ZNF268: variants seen among roughly 807,000 people sequenced by gnomAD.
The protein encoded by ZNF268 is zinc finger protein 3.
A neutral mutation model predicts 29.3 loss-of-function variants in ZNF268; 20 were observed. The ratio of observed to expected loss-of-function variants is 0.68; its 90% CI spans 0.48 to 0.99. The LOEUF (loss-of-function observed/expected upper bound fraction) is 0.99. ZNF268 is among the 50% of genes least tolerant of loss of function. The pLI, the probability that ZNF268 is intolerant of heterozygous loss-of-function variation, is 0.00. For missense variants in ZNF268, 1,240 were observed against 1,121.6 expected (o/e 1.11, Z -1.51); for synonymous variants, 429 against 376.9 (o/e 1.14, Z -1.60).
intron 2 of ZNF268, among the ~76,000 whole-genome samples, chr12:133,186,196 G>A (rs1956309928): frequency 6.6e-6 from 1 of 151,960 alleles, no homozygotes; most frequent in African/African-American, 2.4e-5. Context: ...CAGATATTCT[G>A]GCTCTACATG....
intron 5 of ZNF268, among the ~76,000 whole-genome samples, chr12:133,194,815 C>T (rs1433322222): frequency 6.6e-6 from 1 of 152,230 alleles, no homozygotes; most frequent in Non-Finnish European, 1.5e-5. Flanking sequence ...GTAAGCAGCA[C>T]TGTCTGCCTT....
chr12:133,210,463 G>T lies in ZNF268; in HGVS notation c.*5933G>T, dbSNP rs1416040138. On this transcript the variant is annotated 3_prime_UTR_variant, in exon 6 of 6. Coordinates refer to ENST00000536435, the MANE Select transcript of ZNF268 (RefSeq NM_003415.3). ...AAGCTCAGAACCTCACTGTGGATTT[G>T]CCCCACTAGGGTCCCTAGGTCAGTC... The T allele has an allele frequency of 4.9e-6, 1 of 202,282 alleles. No individual in the cohort carries two copies. Among genetic ancestry groups the T allele is most frequent in the Non-Finnish European group, 1.0e-5 (1 of 96,380 alleles). 12.5% of individuals were successfully genotyped at this position (202,282 alleles called of 1,614,324 possible).
At position 133,214,235 on chromosome 12, in the gene ZNF268, C is replaced by T. The variant is rs1957025090; in HGVS notation, c.*9705C>T. 1 of 152,190 alleles carries T rather than the reference C, an allele frequency of 6.6e-6. No homozygotes were observed. 9.4% of individuals were successfully genotyped at this position (152,190 alleles called of 1,614,324 possible). ...TCAAAAATACAATGAGATAACACTC[C>T]ATACCCATCAGAATGTCTTATTATT... On this transcript the variant is annotated 3_prime_UTR_variant, in exon 6 of 6. Transcript: ENST00000536435.
At position 133,210,981 on chromosome 12, in the gene ZNF268, C is replaced by T. The variant is rs1002116200; in HGVS notation, c.*6451C>T. On this transcript the variant is annotated 3_prime_UTR_variant, in exon 6 of 6. Transcript: ENST00000536435. ...GCAGTCCCAGTGAACCCCTGAAATT[C>T]AATCTTACGATTTTCCATGCCATAA... 2.2e-6 allele frequency: 1 copy of T among 455,880 alleles called. No homozygotes were observed. Among genetic ancestry groups the T allele is most frequent in the African/African-American group, 2.0e-5 (1 of 50,036 alleles). 28.2% of individuals were successfully genotyped at this position (455,880 alleles called of 1,614,324 possible).
rs1347007559 is a variant in ZNF268, at chr12:133,206,807, C to T, written c.*2277C>T. The T allele has an allele frequency of 6.6e-6, 1 of 152,116 alleles. No homozygotes were observed. The highest frequency in any genetic ancestry group is 1.9e-4 in the East Asian group (1 of 5,186). The allele number at this position is 152,116 out of a possible 1,614,324, so 9.4% of individuals were successfully genotyped here. A position where few individuals can be genotyped will look rare whatever the true frequency, so the allele number is the denominator to read the frequency against. On this transcript the variant is annotated 3_prime_UTR_variant, in exon 6 of 6. Coordinates refer to ENST00000536435, the MANE Select transcript of ZNF268 (RefSeq NM_003415.3). The stretch of plus-strand genomic sequence containing the variant: ...GAAGGGAAGGGACATCTTACATAAA[C>T]AAATAATCGCAGATACTTGCTAAAG...
chr12:133,185,667 T>A (rs1251686078), intron 2 of ZNF268, among the ~76,000 whole-genome samples: 1 of 151,796 alleles, frequency 6.6e-6, no homozygotes, highest in Non-Finnish European at 1.5e-5. Context: ...GTGAGCTGCT[T>A]AGGGTTTCCA....
intron 5 of ZNF268, among the ~76,000 whole-genome samples, chr12:133,199,575 C>T (rs921725317): frequency 1.3e-5 from 2 of 151,802 alleles, no homozygotes; most frequent in Admixed American, 6.6e-5. Context: ...AGGATTCCCT[C>T]TTTTTCTATT....
intron 3 of ZNF268, 41 bp downstream of exon 3, chr12:133,188,113 A>G (rs756865304): frequency 1.4e-6 from 2 of 1,388,140 alleles, no homozygotes; most frequent in Admixed American, 2.7e-5. Flanking sequence ...TTTCTTTATT[A>G]CCTTTTTTTT....
chr12:133,187,529 G>C (rs1956352302), intron 2 of ZNF268, among the ~76,000 whole-genome samples: 1 of 152,106 alleles, frequency 6.6e-6, no homozygotes, highest in Non-Finnish European at 1.5e-5. Flanking sequence ...TGTTGTGTGG[G>C]TATTCCTACT....
In ZNF268 at chr12:133,181,950, C is replaced by T. The variant is rs542290849; in HGVS notation, c.-48C>T. The stretch of plus-strand genomic sequence containing the variant: ...TCACTGTGCTCTCTCTTCTAGCATC[C>T]CTCGCGTCCTGTCACTTCCAGCGAG... On this transcript the variant is annotated 5_prime_UTR_variant, in exon 2 of 6. Transcript: ENST00000536435. 6 of 1,551,100 alleles carry T rather than the reference C, an allele frequency of 3.9e-6. No individual in the cohort carries two copies. Among genetic ancestry groups the T allele is most frequent in the African/African-American group, 1.4e-5 (1 of 73,218 alleles).
rs753309516 is a variant in ZNF268, at chr12:133,203,157, C to T, written c.1471C>T (p.Gln491Ter). The change falls in exon 6 of 6, where the codon CAG becomes TAG. Residue 491 changes from glutamine (Q) to a stop codon, truncating the protein, a stop_gained. Coordinates refer to ENST00000536435, the MANE Select transcript of ZNF268 (RefSeq NM_003415.3). LOFTEE classifies it low-confidence loss of function (END_TRUNC). ...TTTGAAATCACAGCTCATTGTACATCAGAGAAGTCACACAGGAATGAAACC... is the reference window on the plus strand; with the variant it reads ...TTTGAAATCACAGCTCATTGTACATTAGAGAAGTCACACAGGAATGAAACC... ...FSLKSQLIVHQRSHTGMKPYV... is the reference protein window; with the variant it reads ...FSLKSQLIVH 16 of 1,537,572 alleles carry T rather than the reference C, an allele frequency of 1.0e-5. No homozygotes were observed. Among genetic ancestry groups the T allele is most frequent in the Non-Finnish European group, 1.1e-5 (13 of 1,146,790 alleles).
At chr12:133,194,008 G>A (rs1956538807) in intron 5 of ZNF268, among the ~76,000 whole-genome samples, 1 of 152,104 alleles carries the variant, frequency 6.6e-6, no homozygotes, top group South Asian at 2.1e-4. Context: ...ACTAATTTTG[G>A]TACAGTGTTG....
chr12:133,202,900 T>A lies in ZNF268; in HGVS notation c.1214T>A (p.Ile405Lys), dbSNP rs957572916. 1 of 1,550,280 alleles carries A rather than the reference T, an allele frequency of 6.5e-7. No homozygotes were observed. Among genetic ancestry groups the A allele is most frequent in the Non-Finnish European group, 8.7e-7 (1 of 1,151,690 alleles). Residue 405 changes from isoleucine to lysine, a missense_variant, in exon 6 of 6, where the codon ATA becomes AAA. Ile to Lys is a moderately radical substitution (Grantham distance 102, BLOSUM62 -3). Coordinates refer to ENST00000536435, the MANE Select transcript of ZNF268 (RefSeq NM_003415.3). The stretch of plus-strand genomic sequence containing the variant: ...TTTGGTTTAAAATCACAGCTCATTA[T>A]ACATGAAAGAATTCATACAGGAGAG... ...KAFGLKSQLIIHERIHTGEKP... is the reference protein window; with the variant it reads ...KAFGLKSQLIKHERIHTGEKP...
At chr12:133,187,447 G>A (rs1956350741) in intron 2 of ZNF268, among the ~76,000 whole-genome samples, 1 of 151,686 alleles carries the variant, frequency 6.6e-6, no homozygotes, top group South Asian at 2.1e-4. Context: ...AATTTTTTAT[G>A]TGGTCAGATA....
chr12:133,190,723 T>C (rs1484007865), intron 3 of ZNF268, among the ~76,000 whole-genome samples: 2 of 152,238 alleles, frequency 1.3e-5, no homozygotes, highest in African/African-American at 2.4e-5. Flanking sequence ...CCTGACACTG[T>C]CAAATAGCAT....
At chr12:133,193,386 G>T in intron 5 of ZNF268, 2 of 615,724 alleles carry the variant, frequency 3.2e-6, no homozygotes, top group South Asian at 3.9e-5. Context: ...AAATACTATA[G>T]ACTAGGTAAT....
At chr12:133,195,393 C>T (rs1956569130) in intron 5 of ZNF268, among the ~76,000 whole-genome samples, 1 of 152,122 alleles carries the variant, frequency 6.6e-6, no homozygotes, top group African/African-American at 2.4e-5. Context: ...TGATCATGTT[C>T]AACAGGCTAA....
At position 133,210,540 on chromosome 12, in the gene ZNF268, C is replaced by T. The variant is rs1352891054; in HGVS notation, c.*6010C>T. 1 of 282,810 alleles carries T rather than the reference C, an allele frequency of 3.5e-6. No individual in the cohort carries two copies. Among genetic ancestry groups the T allele is most frequent in the African/African-American group, 2.2e-5 (1 of 45,904 alleles). 17.5% of individuals were successfully genotyped at this position (282,810 alleles called of 1,614,324 possible). A position where few individuals can be genotyped will look rare whatever the true frequency, so the allele number is the denominator to read the frequency against. On this transcript the variant is annotated 3_prime_UTR_variant, in exon 6 of 6. Coordinates refer to ENST00000536435, the MANE Select transcript of ZNF268 (RefSeq NM_003415.3). Reference sequence around the variant, plus strand: ...ACTGTGGTTGTGCCCCACAGTGGTCCTCAGGTTGGCCAGTGGAGAAGGAAG... The same window carrying T: ...ACTGTGGTTGTGCCCCACAGTGGTCTTCAGGTTGGCCAGTGGAGAAGGAAG...
At chr12:133,182,383 T>C (rs1956197921) in intron 2 of ZNF268, among the ~76,000 whole-genome samples, 1 of 136,848 alleles carries the variant, frequency 7.3e-6, no homozygotes, top group Non-Finnish European at 1.6e-5. Flanking sequence ...TTTATTCACT[T>C]GTTCAACATT....
Sources: gnomAD v4.1 joint callset for allele counts (sites outside exome capture counted in the v4.1 genomes callset) on GRCh38, gnomAD v4.1.1 for gene constraint, MANE v1.5 for transcripts, NCBI Gene and HGNC (gene_info 2026-07-23, HGNC 2026-07-21) for gene names.